Variants in CCDC191 observed in about 807,000 individuals in gnomAD.
CCDC191 encodes coiled-coil domain-containing protein 191.
In CCDC191, 99 loss-of-function variants were observed where a neutral mutation model predicts 114.0. The observed-to-expected ratio is 0.87, with a 90% CI of 0.74 to 1.03. The LOEUF (loss-of-function observed/expected upper bound fraction) is 1.03, where lower values mean the gene tolerates loss of function less well. CCDC191 is among the 50% of genes least tolerant of loss of function. CCDC191 has a pLI of 0.00. For missense variants in CCDC191, 973 were observed against 1,087.0 expected (o/e 0.90, Z 1.47); for synonymous variants, 351 against 376.0 (o/e 0.93, Z 0.77).
chr3:114,002,758 TTTA>T, intron 11 of CCDC191: 5 of 928,118 alleles, frequency 5.4e-6, no homozygotes, highest in Non-Finnish European at 6.4e-6. Flanking sequence ...TGAGGAACAA[TTTA>T]TAAATTAATT....
chr3:114,024,400 T>G (rs1223767972), intron 7 of CCDC191, among the ~76,000 whole-genome samples: 2 of 152,118 alleles, frequency 1.3e-5, no homozygotes, highest in Non-Finnish European at 2.9e-5. Context: ...CACATGCACA[T>G]GTAGGTTTAT....
intron 8 of CCDC191, among the ~76,000 whole-genome samples, chr3:114,015,065 G>A (rs180871339): frequency 2.1e-4 from 32 of 152,154 alleles, no homozygotes; most frequent in Non-Finnish European, 3.2e-4. Context: ...GAATGCCAAA[G>A]GGCCAGTTTT....
chr3:114,051,899 T>C (rs1347022861), intron 2 of CCDC191, among the ~76,000 whole-genome samples: 1 of 152,010 alleles, frequency 6.6e-6, no homozygotes, highest in East Asian at 1.9e-4. Flanking sequence ...AAAAAGACCA[T>C]GGAGGAGAGG....
intron 13 of CCDC191, among the ~76,000 whole-genome samples, chr3:113,998,001 C>A (rs1402596040): frequency 7.3e-5 from 11 of 151,292 alleles, no homozygotes; most frequent in Admixed American, 7.2e-4. Context: ...AGATTGTACT[C>A]CTTAATTAAA....
At chr3:113,978,359 A>T in intron 15 of CCDC191, 28 bp from the exon 16 acceptor site, 1 of 1,609,818 alleles carries the variant, frequency 6.2e-7, no homozygotes, top group South Asian at 1.1e-5. Context: ...AATAAAAGTG[A>T]GACAAAAAAT....
chr3:113,993,066 C>T (rs991460126), intron 13 of CCDC191, among the ~76,000 whole-genome samples: 2 of 152,140 alleles, frequency 1.3e-5, no homozygotes, highest in African/African-American at 4.8e-5. Flanking sequence ...ATATGATCAT[C>T]TCAACAGATG....
Position 114,000,824 on chromosome 3 carries a change from AT to A in CCDC191, c.2163+770del, listed in dbSNP as rs1011730370. On this transcript the variant is annotated intron_variant, in intron 13 of 16. Coordinates refer to ENST00000295878, the MANE Select transcript of CCDC191 (RefSeq NM_020817.2). The stretch of plus-strand genomic sequence containing the variant: ...GTGTCACTGCGCCCAGATGATTAAA[AT>A]TTTTTTTTTATCGAGGCAGGGTCTT... Among the ~76,000 whole-genome samples, 649 of 149,034 alleles carry A rather than the reference AT, an allele frequency of 4.4e-3. 1 individual carries two copies. The highest frequency in any genetic ancestry group is 6.4e-3 in the Non-Finnish European group (432 of 67,088).
At chr3:114,048,281 A>G (rs1301543600) in intron 2 of CCDC191, among the ~76,000 whole-genome samples, 2 of 152,196 alleles carry the variant, frequency 1.3e-5, no homozygotes, top group African/African-American at 4.8e-5. Flanking sequence ...TTTCTGGAAT[A>G]GCCTCTCACC....
intron 2 of CCDC191, among the ~76,000 whole-genome samples, chr3:114,050,089 C>A (rs1032953934): frequency 5.9e-5 from 9 of 152,200 alleles, no homozygotes; most frequent in Non-Finnish European, 1.2e-4. Context: ...AAACTGAACA[C>A]CTTCAAAAGC....
At chr3:114,015,050 C>G (rs892968845) in intron 8 of CCDC191, among the ~76,000 whole-genome samples, 1 of 152,076 alleles carries the variant, frequency 6.6e-6, no homozygotes, top group Non-Finnish European at 1.5e-5. Context: ...ATGAGATGGT[C>G]TGAAGAATGC....
rs2107699456 is a variant in CCDC191 at position 114,018,873 on chromosome 3, A to C, written c.973-5T>G. 1 of 1,612,836 alleles carries C rather than the reference A, an allele frequency of 6.2e-7. No homozygotes were observed. The highest frequency in any genetic ancestry group is 2.2e-5 in the East Asian group (1 of 44,870). Reference sequence around the variant, plus strand: ...AGCGAAATACCGTTTTTGACACTGCAGCGGAAATATTAGGAAAATCACCAC... The same window carrying C: ...AGCGAAATACCGTTTTTGACACTGCCGCGGAAATATTAGGAAAATCACCAC... On this transcript the variant is annotated splice_region_variant and splice_polypyrimidine_tract_variant and intron_variant, in intron 7 of 16. Coordinates refer to ENST00000295878, the MANE Select transcript of CCDC191 (RefSeq NM_020817.2).
At chr3:114,043,101 G>A (rs917148978) in intron 3 of CCDC191, among the ~76,000 whole-genome samples, 2 of 152,184 alleles carry the variant, frequency 1.3e-5, no homozygotes, top group Non-Finnish European at 2.9e-5. Context: ...GATGGGTGTT[G>A]TAGCTTTAAA....
chr3:114,043,266 A>C (rs2076587189), intron 3 of CCDC191, among the ~76,000 whole-genome samples: 1 of 152,158 alleles, frequency 6.6e-6, no homozygotes, highest in African/African-American at 2.4e-5. Flanking sequence ...TGTTGGAAAA[A>C]CAGCAAGGAG....
intron 7 of CCDC191, among the ~76,000 whole-genome samples, chr3:114,028,131 GAAGAA>G (rs2076350766): frequency 1.3e-5 from 2 of 151,958 alleles, no homozygotes; most frequent in Non-Finnish European, 2.9e-5. Context: ...AAAGGGAGGG[GAAGAA>G]AAGAACTCAC....
chr3:114,029,725 C>G (rs2076377288), intron 7 of CCDC191, among the ~76,000 whole-genome samples: 1 of 152,110 alleles, frequency 6.6e-6, no homozygotes, highest in Admixed American at 6.6e-5. Flanking sequence ...TTAGGATATA[C>G]AGAGAAGGGC....
At chr3:114,002,362 T>C in intron 12 of CCDC191, 94 bp downstream of exon 12, 1 of 844,390 alleles carries the variant, frequency 1.2e-6, no homozygotes, top group Non-Finnish European at 1.8e-6. Flanking sequence ...AACTCTATTG[T>C]CTCAGGAGTT....
chr3:114,042,419 G>A (rs2076575451), intron 4 of CCDC191, among the ~76,000 whole-genome samples: 1 of 152,158 alleles, frequency 6.6e-6, no homozygotes, highest in Non-Finnish European at 1.5e-5. Context: ...TAGAACATCT[G>A]AGGAGTTTGG....
intron 1 of CCDC191, among the ~76,000 whole-genome samples, chr3:114,055,005 AAAT>A (rs541235858): frequency 1.5e-4 from 22 of 150,702 alleles, no homozygotes; most frequent in South Asian, 2.1e-4. Context: ...ATACTCTTTA[AAAT>A]AATAATAATA....
chr3:113,982,357 A>G (rs1577341673), intron 13 of CCDC191, among the ~76,000 whole-genome samples: 1 of 152,144 alleles, frequency 6.6e-6, no homozygotes, highest in Non-Finnish European at 1.5e-5. Flanking sequence ...GGGTTCCTCG[A>G]TAGAACTGGT....
Sources: allele counts gnomAD v4.1 joint callset (sites outside exome capture counted in the v4.1 genomes callset), GRCh38; gene constraint gnomAD v4.1.1; transcripts MANE v1.5; gene names NCBI Gene and HGNC (gene_info 2026-07-23, HGNC 2026-07-21).